PSME4: variants seen among roughly 807,000 people sequenced by gnomAD.
PSME4 encodes the protein proteasome activator subunit 4.
A neutral mutation model predicts 253.9 loss-of-function variants in PSME4; 89 were observed. The ratio of observed to expected loss-of-function variants is 0.35; its 90% CI spans 0.30 to 0.42. The LOEUF (loss-of-function observed/expected upper bound fraction) is 0.42. Among genes scored for constraint, PSME4 ranks in the 10% least tolerant of loss-of-function variants. The probability of loss-of-function intolerance (pLI) is 1.00; values close to 1 mark genes in which losing one functional copy is unlikely to be tolerated. For missense variants in PSME4, 2,014 were observed against 2,195.2 expected (o/e 0.92, Z 1.65); for synonymous variants, 851 against 759.2 (o/e 1.12, Z -1.99).
chr2:53,910,711 G>A (rs1667792778), intron 20 of PSME4, among the ~76,000 whole-genome samples: 1 of 152,138 alleles, frequency 6.6e-6, no homozygotes, highest in Non-Finnish European at 1.5e-5. Flanking sequence ...ACCACAACCA[G>A]ACCCAGCCAG....
intron 1 of PSME4, among the ~76,000 whole-genome samples, chr2:53,964,254 G>C (rs1670618411): frequency 6.6e-6 from 1 of 152,134 alleles, no homozygotes; most frequent in South Asian, 2.1e-4. Flanking sequence ...GTATGCATGT[G>C]TAGAGACAGA....
intron 36 of PSME4, 45 bp from the exon 37 acceptor site, chr2:53,890,253 A>G: frequency 2.3e-6 from 3 of 1,301,834 alleles, no homozygotes; most frequent in Non-Finnish European, 3.3e-6. Flanking sequence ...GACACTCAGA[A>G]CATTTTTCTT....
At chr2:53,903,469 AC>A (rs1680505783) in intron 27 of PSME4, among the ~76,000 whole-genome samples, 1 of 152,110 alleles carries the variant, frequency 6.6e-6, no homozygotes, top group East Asian at 1.9e-4. Context: ...TATTACCTAT[AC>A]TTTATTACAT....
chr2:53,920,326 A>G lies in PSME4; in HGVS notation c.2287T>C (p.Trp763Arg), dbSNP rs745657812. ...IKDWGKPGDL[W>R]NLGIQWHVPS... ...ACATGCCACTGGATTCCCAGATTCCACAAGTCCCCGGGTTTGCCCCAGTCC... is the reference window on the plus strand; with the variant it reads ...ACATGCCACTGGATTCCCAGATTCCGCAAGTCCCCGGGTTTGCCCCAGTCC... The change falls in exon 19 of 47, where the codon TGG becomes CGG. Residue 763 changes from tryptophan to arginine, a missense_variant. By Grantham distance (101) the Trp-to-Arg change is moderately radical. Coordinates refer to ENST00000404125, the MANE Select transcript of PSME4 (RefSeq NM_014614.3). The G allele has an allele frequency of 7.4e-6, 12 of 1,613,382 alleles. No individual in the cohort carries two copies. Among genetic ancestry groups the G allele is most frequent in the Admixed American group, 3.3e-5 (2 of 59,978 alleles).
intron 3 of PSME4, among the ~76,000 whole-genome samples, chr2:53,944,045 T>A (rs1309969405): frequency 6.6e-6 from 1 of 152,226 alleles, no homozygotes; most frequent in Non-Finnish European, 1.5e-5. Flanking sequence ...CCTGATCAAC[T>A]TGAACTAAGT....
At chr2:53,957,111 A>C (rs551845538) in intron 1 of PSME4, among the ~76,000 whole-genome samples, 1 of 152,216 alleles carries the variant, frequency 6.6e-6, no homozygotes, top group South Asian at 2.1e-4. Context: ...TTACCCTGCC[A>C]CTCCTACAGG....
chr2:53,961,196 C>T (rs544933892), intron 1 of PSME4, among the ~76,000 whole-genome samples: 5 of 152,310 alleles, frequency 3.3e-5, no homozygotes, highest in South Asian at 2.1e-4. Context: ...ATAGTATGTG[C>T]TGCTTTTAAC....
intron 26 of PSME4, among the ~76,000 whole-genome samples, 168 bp from the exon 27 acceptor site, chr2:53,904,324 AT>A (rs1425715512): frequency 6.6e-6 from 1 of 152,250 alleles, no homozygotes; most frequent in Admixed American, 6.5e-5. Flanking sequence ...CTTTACTTAT[AT>A]CAAAAGGAAA....
chr2:53,955,902 AC>A (rs1234115455), intron 1 of PSME4, among the ~76,000 whole-genome samples: 3 of 152,210 alleles, frequency 2.0e-5, no homozygotes, highest in African/African-American at 7.2e-5. Flanking sequence ...AACCTAGGCA[AC>A]AGTGAGACCT....
At position 53,901,342 on chromosome 2, in the gene PSME4, T is replaced by C. The variant is rs1573245730; in HGVS notation, c.3285+8A>G. On this transcript the variant is annotated splice_region_variant and intron_variant, in intron 28 of 46. Transcript: ENST00000404125. ...CTAAAACTTGAATGAAAGAATGATA[T>C]TGCTTACTGTGAAGTCCAAGCCAAT... 3.1e-6 allele frequency: 5 copies of C among 1,590,866 alleles called. No individual in the cohort carries two copies. The highest frequency in any genetic ancestry group is 1.3e-5 in the African/African-American group (1 of 74,404).
intron 1 of PSME4, among the ~76,000 whole-genome samples, chr2:53,967,359 A>T (rs985720475): frequency 7.9e-5 from 12 of 152,130 alleles, no homozygotes; most frequent in African/African-American, 2.9e-4. Context: ...TGAAGAAAAA[A>T]GTCAAAAAGA....
intron 39 of PSME4, 63 bp downstream of exon 39, chr2:53,887,795 T>A (rs1162377789): frequency 6.8e-7 from 1 of 1,481,104 alleles, no homozygotes; most frequent in Non-Finnish European, 9.2e-7. Flanking sequence ...TATTACCTAT[T>A]ACAATTTAAA....
chr2:53,918,594 T>A (rs1189459821), intron 20 of PSME4, among the ~76,000 whole-genome samples: 1 of 152,078 alleles, frequency 6.6e-6, no homozygotes, highest in Non-Finnish European at 1.5e-5. Flanking sequence ...GCCTGCCTCA[T>A]AAGCCACCGC....
chr2:53,938,774 A>G (rs546195983), intron 4 of PSME4, among the ~76,000 whole-genome samples: 1 of 152,338 alleles, frequency 6.6e-6, no homozygotes, highest in Non-Finnish European at 1.5e-5. Flanking sequence ...GCAATCTTCT[A>G]TGTGAAAAAT....
intron 12 of PSME4, among the ~76,000 whole-genome samples, chr2:53,926,785 C>T (rs1668575617): frequency 6.6e-6 from 1 of 151,698 alleles, no homozygotes; most frequent in Non-Finnish European, 1.5e-5. Flanking sequence ...CCAGCCTGGC[C>T]AACATGATGA....
In PSME4 at chr2:53,866,858, C is replaced by T; in HGVS notation, c.5286G>A (p.Gly1762=). The T allele has an allele frequency of 6.2e-7, 1 of 1,613,834 alleles. No individual in the cohort carries two copies. Among genetic ancestry groups the T allele is most frequent in the Non-Finnish European group, 8.5e-7 (1 of 1,179,884 alleles). Residue 1762 remains glycine (G), a synonymous_variant, in exon 45 of 47, where the codon GGG becomes GGA. Coordinates refer to ENST00000404125, the MANE Select transcript of PSME4 (RefSeq NM_014614.3). ...PSAELVKRHA[G]VLGLGACVLS... ...GAACACATGCACCAAGTCCTAGCAC[C>T]CCAGCATGGCGTTTGACCAACTCTG...
chr2:53,884,356 G>A (rs1143114), intron 41 of PSME4, among the ~76,000 whole-genome samples: 5 of 152,018 alleles, frequency 3.3e-5, no homozygotes, highest in East Asian at 1.9e-4. Context: ...GACTACAGGC[G>A]TGCGCCACCA....
intron 20 of PSME4, among the ~76,000 whole-genome samples, chr2:53,915,114 T>C (rs1667997724): frequency 6.6e-6 from 1 of 152,094 alleles, no homozygotes; most frequent in African/African-American, 2.4e-5. Flanking sequence ...AGGACTAAGT[T>C]AGACATTCTC....
At chr2:53,896,023 T>C (rs557852605) in intron 32 of PSME4, among the ~76,000 whole-genome samples, 1 of 152,264 alleles carries the variant, frequency 6.6e-6, no homozygotes, top group Admixed American at 6.5e-5. Context: ...TTAAACTATT[T>C]AGATTTGAAA....
Sources: gnomAD v4.1 joint callset for allele counts (sites outside exome capture counted in the v4.1 genomes callset) on GRCh38, gnomAD v4.1.1 for gene constraint, MANE v1.5 for transcripts, NCBI Gene and HGNC (gene_info 2026-07-23, HGNC 2026-07-21) for gene names.